SLC12A2: variants seen among roughly 807,000 people sequenced by gnomAD.
SLC12A2 encodes solute carrier family 12 member 2.
Under a neutral mutation model 136.3 loss-of-function variants are expected in SLC12A2, and 67 were observed. The observed-to-expected ratio is 0.49, with a 90% confidence interval of 0.40 to 0.60. The LOEUF is 0.60. Among genes scored for constraint, SLC12A2 ranks in the 20% least tolerant of loss-of-function variants. The pLI, the probability that SLC12A2 is intolerant of heterozygous loss-of-function variation, is 0.00. For missense variants in SLC12A2, 1,322 were observed against 1,534.7 expected, an observed-to-expected ratio of 0.86 and a Z score of 2.32; for synonymous variants, 619 against 562.9, an observed-to-expected ratio of 1.10 and a Z score of -1.41.
intron 1 of SLC12A2, among the ~76,000 whole-genome samples, chr5:128,097,755 G>A (rs1760597390): frequency 6.6e-6 from 1 of 151,834 alleles, no homozygotes; most frequent in Admixed American, 6.6e-5. Flanking sequence ...TAGTTACATG[G>A]CTTTAAAAAA....
At chr5:128,147,084 T>TC (rs1007401310) in intron 10 of SLC12A2, among the ~76,000 whole-genome samples, 1 of 142,342 alleles carries the variant, frequency 7.0e-6, no homozygotes, top group African/African-American at 2.6e-5. Context: ...TGTGTAACCT[T>TC]TTTTTTTTTT....
At chr5:128,134,553 T>C (rs1762127056) in intron 6 of SLC12A2, among the ~76,000 whole-genome samples, 1 of 152,108 alleles carries the variant, frequency 6.6e-6, no homozygotes, top group Non-Finnish European at 1.5e-5. Flanking sequence ...GTAAAAATGC[T>C]GAGGTCAGTG....
chr5:128,150,833 T>A (rs1762679275), intron 13 of SLC12A2, among the ~76,000 whole-genome samples: 1 of 151,930 alleles, frequency 6.6e-6, no homozygotes, highest in Non-Finnish European at 1.5e-5. Context: ...TGAAATGTTT[T>A]ATATATTCAT....
chr5:128,172,991 C>T (rs1198632007), intron 19 of SLC12A2, among the ~76,000 whole-genome samples: 2 of 151,414 alleles, frequency 1.3e-5, no homozygotes, highest in East Asian at 3.9e-4. Flanking sequence ...AAAAAAACAA[C>T]TGTGAAGATT....
At chr5:128,133,842 A>G (rs565369858) in intron 5 of SLC12A2, among the ~76,000 whole-genome samples, 6 of 152,232 alleles carry the variant, frequency 3.9e-5, no homozygotes, top group African/African-American at 9.6e-5. Context: ...TATTTCTGCT[A>G]TATAACTTAA....
intron 1 of SLC12A2, among the ~76,000 whole-genome samples, chr5:128,106,250 A>C (rs1362703539): frequency 6.6e-6 from 1 of 152,202 alleles, no homozygotes; most frequent in African/African-American, 2.4e-5. Context: ...CCAAAAATCT[A>C]TCATTTCTGT....
intron 16 of SLC12A2, 89 bp from the exon 17 acceptor site, chr5:128,161,571 T>C (rs1763037872): frequency 2.5e-6 from 2 of 786,958 alleles, no homozygotes; most frequent in African/African-American, 1.8e-5. Flanking sequence ...GTCACCTGTT[T>C]CAAGCCAGTA....
chr5:128,151,517 T>C (rs1290697623), intron 14 of SLC12A2, 121 bp downstream of exon 14: 2 of 906,254 alleles, frequency 2.2e-6, no homozygotes, highest in Non-Finnish European at 1.6e-6. Flanking sequence ...AAAGCTACTT[T>C]GTATAAAACC....
intron 7 of SLC12A2, among the ~76,000 whole-genome samples, chr5:128,138,163 T>C (rs1464936268): frequency 6.6e-6 from 1 of 152,170 alleles, no homozygotes; most frequent in East Asian, 1.9e-4. Context: ...GGTCTCAAAC[T>C]GCTGGGCTCA....
rs1581114933 is a variant in SLC12A2 at position 128,151,178 on chromosome 5, T to C, written c.2108-63T>C. The C allele has an allele frequency of 1.3e-5, 18 of 1,421,716 alleles. No individual in the cohort carries two copies. In the East Asian group the frequency reaches 3.5e-4, roughly 28 times the overall value. The allele number at this position is 1,421,716 out of a possible 1,614,324, so 88.1% of individuals were successfully genotyped here. On this transcript the variant is annotated intron_variant, in intron 13 of 26. Coordinates refer to ENST00000262461, the MANE Select transcript of SLC12A2 (RefSeq NM_001046.3). Reference sequence around the variant, plus strand: ...TAAAGAATGTTATTTTTTGAATACATATGTACCATTGTGTAAAGCAGATGA... The same window carrying C: ...TAAAGAATGTTATTTTTTGAATACACATGTACCATTGTGTAAAGCAGATGA...
chr5:128,135,454 A>G (rs905147015), intron 6 of SLC12A2, among the ~76,000 whole-genome samples: 3 of 152,102 alleles, frequency 2.0e-5, no homozygotes, highest in African/African-American at 7.2e-5. Context: ...AACTCATTTC[A>G]GAAATATGGC....
rs1215961604 is a variant in SLC12A2, at chr5:128,083,861, C to T, written c.-94C>T. ...GGGGAGAAAGACTCTCTCACCTGGT[C>T]TTGCGGCTGTGGCCACCGCCGGCCA... On this transcript the variant is annotated 5_prime_UTR_variant, in exon 1 of 27. Coordinates refer to ENST00000262461, the MANE Select transcript of SLC12A2 (RefSeq NM_001046.3). The T allele has an allele frequency of 9.3e-6, 9 of 969,688 alleles. No individual in the cohort carries two copies. Among genetic ancestry groups the T allele is most frequent in the African/African-American group, 8.5e-5 (5 of 58,774 alleles). The allele number at this position is 969,688 out of a possible 1,614,324, so 60.1% of individuals were successfully genotyped here.
chr5:128,138,812 C>T lies in SLC12A2; in HGVS notation c.1537-12C>T, dbSNP rs971463297. ...TTACAGATAGACTTTAAAAAATCTT[C>T]TTGTCTTCTAGGATCCTCAGTCAGC... On this transcript the variant is annotated splice_polypyrimidine_tract_variant and intron_variant, in intron 8 of 26. Coordinates refer to ENST00000262461, the MANE Select transcript of SLC12A2 (RefSeq NM_001046.3). 6.2e-7 allele frequency: 1 copy of T among 1,607,832 alleles called. No homozygotes were observed. Among genetic ancestry groups the T allele is most frequent in the Non-Finnish European group, 8.5e-7 (1 of 1,177,016 alleles).
chr5:128,109,694 CA>C, intron 1 of SLC12A2: 1 of 1,148,994 alleles, frequency 8.7e-7, no homozygotes, highest in Non-Finnish European at 1.3e-6. Context: ...AAAAGTCTTC[CA>C]GGTGAAAGTC....
At chr5:128,160,097 A>T (rs1762992239) in intron 16 of SLC12A2, among the ~76,000 whole-genome samples, 1 of 152,314 alleles carries the variant, frequency 6.6e-6, no homozygotes, top group African/African-American at 2.4e-5. Context: ...AGGGACATGG[A>T]TGAAGCTAGA....
Position 128,186,614 on chromosome 5 carries a change from C to T in SLC12A2, c.3622C>T (p.Leu1208Phe), listed in dbSNP as rs761150347. Residue 1208 changes from leucine to phenylalanine, a missense_variant, in exon 27 of 27, where the codon CTT becomes TTT. Physicochemically the swap from Leu to Phe is conservative, Grantham distance 22. Coordinates refer to ENST00000262461, the MANE Select transcript of SLC12A2 (RefSeq NM_001046.3). Reference sequence around the variant, plus strand: ...AGTTCGTGGGAATCATCAGAGTGTCCTTACCTTCTATTCATAAATGTTCTA... The same window carrying T: ...AGTTCGTGGGAATCATCAGAGTGTCTTTACCTTCTATTCATAAATGTTCTA... Reference protein sequence around the residue: ...LLVRGNHQSVLTFYS With the variant: ...LLVRGNHQSVFTFYS 5.0e-6 allele frequency: 8 copies of T among 1,613,942 alleles called. No individual in the cohort carries two copies. Among genetic ancestry groups the T allele is most frequent in the Non-Finnish European group, 6.8e-6 (8 of 1,179,916 alleles).
intron 23 of SLC12A2, 60 bp from the exon 24 acceptor site, chr5:128,182,795 G>T: frequency 8.6e-7 from 1 of 1,162,172 alleles, no homozygotes; most frequent in South Asian, 1.4e-5. Context: ...TAGATATATG[G>T]ATTCAGCCCA....
intron 4 of SLC12A2, among the ~76,000 whole-genome samples, chr5:128,126,141 T>C (rs558269673): frequency 9.6e-4 from 146 of 152,354 alleles, no homozygotes; most frequent in Non-Finnish European, 1.6e-3. Flanking sequence ...CATTTTCATA[T>C]AAATTTTTGA....
intron 4 of SLC12A2, among the ~76,000 whole-genome samples, chr5:128,116,437 G>T (rs554435170): frequency 2.0e-5 from 3 of 150,084 alleles, no homozygotes; most frequent in South Asian, 2.1e-4. Flanking sequence ...AAATACATCT[G>T]CCTGATAGAC....
Sources: allele counts gnomAD v4.1 joint callset (sites outside exome capture counted in the v4.1 genomes callset), GRCh38; gene constraint gnomAD v4.1.1; transcripts MANE v1.5; gene names NCBI Gene and HGNC (gene_info 2026-07-23, HGNC 2026-07-21).